Variants in DNAH7 observed in about 807,000 individuals in gnomAD.
DNAH7 encodes axonemal beta dynein heavy chain 7.
In DNAH7, 397 loss-of-function variants were observed where a neutral mutation model predicts 444.6. That is an observed-to-expected ratio of 0.89 (90% confidence interval 0.82 to 0.97). DNAH7 has a LOEUF of 0.97. DNAH7 is among the 50% of genes least tolerant of loss of function. DNAH7 has a pLI of 0.00. For missense variants in DNAH7, 4,902 were observed against 4,800.8 expected (o/e 1.02, Z -0.62); for synonymous variants, 1,636 against 1,624.4 (o/e 1.01, Z -0.17).
At position 196,029,569 on chromosome 2, in the gene DNAH7, A is replaced by G. The variant is rs143203896; in HGVS notation, c.399-1522T>C. Among the ~76,000 whole-genome samples, 396 of 152,220 alleles carry G rather than the reference A, an allele frequency of 2.6e-3. 3 individuals are homozygous for G. Among genetic ancestry groups the G allele is most frequent in the African/African-American group, 9.2e-3 (383 of 41,518 alleles). Reference sequence around the variant, plus strand: ...TATTGATTACCTACTCAGGCCCTCAATAGTTTCACATATATTATTTATAAT... The same window carrying G: ...TATTGATTACCTACTCAGGCCCTCAGTAGTTTCACATATATTATTTATAAT... On this transcript the variant is annotated intron_variant, in intron 5 of 64. Transcript: ENST00000312428.
chr2:196,030,467 T>G (rs1382462685), intron 5 of DNAH7, among the ~76,000 whole-genome samples: 3 of 152,126 alleles, frequency 2.0e-5, no homozygotes, highest in African/African-American at 7.2e-5. Context: ...AAACCAATCA[T>G]ACCTTCCCAA....
intron 1 of DNAH7, among the ~76,000 whole-genome samples, chr2:196,059,681 A>C (rs1307000916): frequency 2.0e-5 from 3 of 152,188 alleles, no homozygotes; most frequent in African/African-American, 7.2e-5. Flanking sequence ...CCCTGTGGGC[A>C]GCTTTCCACA....
chr2:195,873,531 C>G, intron 39 of DNAH7, 37 bp downstream of exon 39: 1 of 1,162,848 alleles, frequency 8.6e-7, no homozygotes, highest in Non-Finnish European at 1.1e-6. Flanking sequence ...TATTTTATAC[C>G]TCCTAATTAA....
chr2:196,051,253 T>A lies in DNAH7; in HGVS notation c.79-4A>T. 6.2e-7 allele frequency: 1 copy of A among 1,613,616 alleles called. No homozygotes were observed. The highest frequency in any genetic ancestry group is 8.5e-7 in the Non-Finnish European group (1 of 1,179,626). On this transcript the variant is annotated splice_region_variant and splice_polypyrimidine_tract_variant and intron_variant, in intron 2 of 64. Coordinates refer to ENST00000312428, the MANE Select transcript of DNAH7 (RefSeq NM_018897.3). ...TTTCTTTGCTGGCTAATTTCTCCTG[T>A]GTGAAAAATATGAAGGGGAAAAAAG...
intron 15 of DNAH7, among the ~76,000 whole-genome samples, chr2:195,981,521 A>C (rs1283346603): frequency 2.0e-5 from 3 of 152,192 alleles, no homozygotes; most frequent in Non-Finnish European, 4.4e-5. Context: ...TCCGGAGCAA[A>C]AAGAACAAAA....
chr2:195,866,038 A>G (rs1292326231), intron 40 of DNAH7, among the ~76,000 whole-genome samples: 1 of 152,214 alleles, frequency 6.6e-6, no homozygotes, highest in Non-Finnish European at 1.5e-5. Context: ...ATGGCCAACT[A>G]ATACATATAT....
At chr2:195,785,508 G>A (rs909297160) in intron 58 of DNAH7, among the ~76,000 whole-genome samples, 2 of 149,840 alleles carry the variant, frequency 1.3e-5, no homozygotes, top group Admixed American at 6.6e-5. Flanking sequence ...CTCCATTTAA[G>A]TACAATTAGC....
chr2:195,857,377 TTATCA>T lies in DNAH7; in HGVS notation c.8409_8413del (p.Tyr2803Ter), dbSNP rs1422032073. The T allele has an allele frequency of 6.4e-7, 1 of 1,559,652 alleles. No homozygotes were observed. The highest frequency in any genetic ancestry group is 1.3e-5 in the South Asian group (1 of 78,254). On this transcript the variant is annotated stop_gained and frameshift_variant and splice_region_variant, in exon 44 of 65. Coordinates refer to ENST00000312428, the MANE Select transcript of DNAH7 (RefSeq NM_018897.3). LOFTEE classifies it high-confidence loss of function. The stretch of plus-strand genomic sequence containing the variant: ...TGGATTTCTTTTTATCAGCACTTAC[TTATCA>T]TATGAATCCATTGCTATGACCCATT...
chr2:195,778,643 AATATATATATAT>A (rs1169066622), intron 58 of DNAH7, among the ~76,000 whole-genome samples: 1 of 56,252 alleles, frequency 1.8e-5, no homozygotes, highest in African/African-American at 1.0e-4. Flanking sequence ...TAAATAAATA[AATATATATATAT>A]ATATATATAT....
intron 61 of DNAH7, among the ~76,000 whole-genome samples, chr2:195,764,050 A>G (rs1266803880): frequency 6.6e-6 from 1 of 152,044 alleles, no homozygotes; most frequent in Admixed American, 6.6e-5. Flanking sequence ...ATCAAGTGGG[A>G]TTTATCCCAA....
intron 59 of DNAH7, among the ~76,000 whole-genome samples, chr2:195,777,489 C>A (rs1384434535): frequency 6.6e-6 from 1 of 152,132 alleles, no homozygotes; most frequent in African/African-American, 2.4e-5. Flanking sequence ...CTAATACCAT[C>A]TCTTATGTAT....
In DNAH7 at chr2:195,957,272, T is replaced by G; in HGVS notation, c.3067A>C (p.Ser1023Arg). 6.5e-7 allele frequency: 1 copy of G among 1,540,112 alleles called. No individual in the cohort carries two copies. Among genetic ancestry groups the G allele is most frequent in the Non-Finnish European group, 8.8e-7 (1 of 1,133,042 alleles). ...ATTTTTTCACCTACCTGCATGACAC[T>G]TCTCATTATATCTCTCCATGTCTTA... is the stretch of plus-strand genomic sequence containing the variant. Reference protein sequence around the residue: ...VDKTWRDIMRSVMQDKHVLTV... With the variant: ...VDKTWRDIMRRVMQDKHVLTV... Residue 1023 changes from serine to arginine, a missense_variant, in exon 19 of 65, where the codon AGT becomes CGT. Physicochemically the swap from Ser to Arg is moderately radical, Grantham distance 110 (BLOSUM62 -1). Coordinates refer to ENST00000312428, the MANE Select transcript of DNAH7 (RefSeq NM_018897.3).
intron 18 of DNAH7, among the ~76,000 whole-genome samples, chr2:195,958,924 C>G (rs1039598165): frequency 6.6e-5 from 10 of 152,112 alleles, no homozygotes; most frequent in African/African-American, 2.2e-4. Flanking sequence ...AATTACTCTG[C>G]TATCAGAGAT....
intron 20 of DNAH7, 123 bp from the exon 21 acceptor site, chr2:195,934,912 C>A: frequency 9.7e-7 from 1 of 1,029,176 alleles, no homozygotes. Context: ...GTGCAAAAAC[C>A]GGAAACCCCC....
chr2:195,944,901 T>C (rs1436477599), intron 19 of DNAH7, among the ~76,000 whole-genome samples: 4 of 151,998 alleles, frequency 2.6e-5, no homozygotes, highest in Non-Finnish European at 5.9e-5. Flanking sequence ...TACTTCAAAT[T>C]CTTATCATAT....
chr2:195,806,166 ATTT>A (rs1362541301), intron 54 of DNAH7, among the ~76,000 whole-genome samples: 1 of 151,794 alleles, frequency 6.6e-6, no homozygotes, highest in Non-Finnish European at 1.5e-5. Flanking sequence ...TCATAGGTGA[ATTT>A]TTTTATCTAA....
chr2:195,764,557 C>T (rs1169297266), intron 61 of DNAH7, among the ~76,000 whole-genome samples: 1 of 151,984 alleles, frequency 6.6e-6, no homozygotes, highest in East Asian at 1.9e-4. Context: ...ATAAAATCAA[C>T]GTACAAAAAT....
At chr2:196,045,871 A>T (rs1697089568) in intron 5 of DNAH7, among the ~76,000 whole-genome samples, 1 of 152,148 alleles carries the variant, frequency 6.6e-6, no homozygotes, top group African/African-American at 2.4e-5. Context: ...TAAATAGGAA[A>T]CATAAAATAC....
chr2:195,786,676 T>C (rs1255037797), intron 58 of DNAH7, among the ~76,000 whole-genome samples: 2 of 152,018 alleles, frequency 1.3e-5, no homozygotes, highest in Non-Finnish European at 2.9e-5. Flanking sequence ...CTGGTCTGTT[T>C]GTTTTTTACA....
Sources: allele counts gnomAD v4.1 joint callset (sites outside exome capture counted in the v4.1 genomes callset), GRCh38; gene constraint gnomAD v4.1.1; transcripts MANE v1.5; gene names NCBI Gene and HGNC (gene_info 2026-07-23, HGNC 2026-07-21).